Variants in GULP1 observed in about 807,000 individuals in gnomAD.
GULP1 encodes GULP PTB domain containing engulfment adaptor 1, also known as PTB domain-containing engulfment adapter protein 1.
In GULP1, 19 loss-of-function variants were observed where a neutral mutation model predicts 40.9. The observed-to-expected ratio is 0.46, with a 90% CI of 0.32 to 0.68. The LOEUF (loss-of-function observed/expected upper bound fraction) is 0.68, where lower values mean the gene tolerates loss of function less well. GULP1 is among the 30% of genes least tolerant of loss of function. The pLI, the probability that GULP1 is intolerant of heterozygous loss-of-function variation, is 0.03. For missense variants in GULP1, 312 were observed against 362.2 expected (o/e 0.86, Z 1.12); for synonymous variants, 119 against 117.6 (o/e 1.01, Z -0.08).
At chr2:188,532,912 C>T (rs1254075665) in intron 6 of GULP1, among the ~76,000 whole-genome samples, 1 of 152,084 alleles carries the variant, frequency 6.6e-6, no homozygotes, top group East Asian at 1.9e-4. Flanking sequence ...CAGTGTGAGA[C>T]TGTCTCACAT....
At chr2:188,365,308 T>A (rs2046642827) in intron 1 of GULP1, among the ~76,000 whole-genome samples, 1 of 152,178 alleles carries the variant, frequency 6.6e-6, no homozygotes, top group Non-Finnish European at 1.5e-5. Context: ...GTTAATCTTG[T>A]AAGGGATGCA....
chr2:188,591,756 AG>A lies in GULP1; in HGVS notation c.844-2183del, dbSNP rs545778962. On this transcript the variant is annotated intron_variant, in intron 11 of 11. Coordinates refer to ENST00000409830, the MANE Select transcript of GULP1 (RefSeq NM_016315.4). ...AAATCATTTTTAAAAATGTATAGAT[AG>A]AAAAAAAGACATACCTCAAAATGTA... 1,130 of 151,848 alleles carry A rather than the reference AG, an allele frequency of 7.4e-3. 20 individuals carry two copies. The highest frequency in any genetic ancestry group is 0.026 in the African/African-American group (1,084 of 41,518). The allele number at this position is 151,848 out of a possible 1,614,324, so 9.4% of individuals were successfully genotyped here.
At chr2:188,443,773 G>A (rs369483987) in intron 2 of GULP1, among the ~76,000 whole-genome samples, 15 of 149,134 alleles carry the variant, frequency 1.0e-4, no homozygotes, top group Middle Eastern at 3.4e-3. Context: ...TGCCACCTCC[G>A]CCTCCCGGGT....
intron 5 of GULP1, among the ~76,000 whole-genome samples, chr2:188,523,324 G>A (rs1049581556): frequency 2.6e-5 from 4 of 152,140 alleles, no homozygotes; most frequent in Non-Finnish European, 5.9e-5. Flanking sequence ...TCCGTAAGTA[G>A]CCATGGGGAA....
chr2:188,572,608 TCTTTAA>T (rs1699294995), intron 9 of GULP1, among the ~76,000 whole-genome samples: 1 of 152,360 alleles, frequency 6.6e-6, no homozygotes, highest in African/African-American at 2.4e-5. Flanking sequence ...CTACACTTTT[TCTTTAA>T]CTTTAAAAAT....
intron 2 of GULP1, among the ~76,000 whole-genome samples, chr2:188,398,067 G>C (rs992132058): frequency 2.6e-5 from 4 of 151,752 alleles, no homozygotes; most frequent in African/African-American, 9.8e-5. Flanking sequence ...TGAACTGTAA[G>C]TCCAAAGACA....
At chr2:188,489,206 T>C (rs1180181655) in intron 4 of GULP1, among the ~76,000 whole-genome samples, 1 of 151,894 alleles carries the variant, frequency 6.6e-6, no homozygotes, top group African/African-American at 2.4e-5. Context: ...TCGTTGAAAG[T>C]TGGGCAAAAG....
intron 1 of GULP1, among the ~76,000 whole-genome samples, chr2:188,297,787 A>G (rs1298830493): frequency 6.6e-6 from 1 of 152,118 alleles, no homozygotes; most frequent in African/African-American, 2.4e-5. Flanking sequence ...TTGTATTTAA[A>G]TTAGATAATA....
At chr2:188,476,554 T>C (rs1430538524) in intron 2 of GULP1, among the ~76,000 whole-genome samples, 1 of 152,096 alleles carries the variant, frequency 6.6e-6, no homozygotes, top group African/African-American at 2.4e-5. Flanking sequence ...TTATTTAATG[T>C]GGTTGAATTC....
chr2:188,574,156 CTT>C (rs1225693535), intron 9 of GULP1, among the ~76,000 whole-genome samples: 2 of 151,832 alleles, frequency 1.3e-5, no homozygotes, highest in Non-Finnish European at 2.9e-5. Context: ...AGTATAGTCT[CTT>C]TGGGGAAAGG....
intron 6 of GULP1, among the ~76,000 whole-genome samples, chr2:188,537,751 G>A (rs1200129122): frequency 6.6e-6 from 1 of 152,088 alleles, no homozygotes; most frequent in Non-Finnish European, 1.5e-5. Flanking sequence ...AATGGTTACA[G>A]TGGAATTGGT....
chr2:188,474,939 A>G (rs565805613), intron 2 of GULP1, among the ~76,000 whole-genome samples: 2 of 152,314 alleles, frequency 1.3e-5, no homozygotes, highest in East Asian at 1.9e-4. Context: ...GATAAAGTCA[A>G]TTTACATAGA....
At chr2:188,527,827 C>T (rs1686574301) in intron 5 of GULP1, among the ~76,000 whole-genome samples, 1 of 152,166 alleles carries the variant, frequency 6.6e-6, no homozygotes, top group South Asian at 2.1e-4. Flanking sequence ...CTTTTAATCA[C>T]TCTGTGCTCC....
intron 2 of GULP1, among the ~76,000 whole-genome samples, chr2:188,405,488 G>C (rs2052948163): frequency 6.6e-6 from 1 of 152,144 alleles, no homozygotes; most frequent in Non-Finnish European, 1.5e-5. Context: ...ACAGACTTAG[G>C]CTCCAGGCCT....
chr2:188,485,634 T>G (rs2061799339), intron 4 of GULP1, among the ~76,000 whole-genome samples: 1 of 151,994 alleles, frequency 6.6e-6, no homozygotes. Context: ...ACTCTAGAGC[T>G]AGATTCCTTG....
At chr2:188,566,582 G>A (rs1421495647) in intron 7 of GULP1, among the ~76,000 whole-genome samples, 2 of 151,780 alleles carry the variant, frequency 1.3e-5, no homozygotes, top group African/African-American at 2.4e-5. Context: ...GATCACCTGT[G>A]GTCAGGAGTT....
intron 4 of GULP1, among the ~76,000 whole-genome samples, chr2:188,518,108 A>G (rs1365040632): frequency 1.3e-5 from 2 of 152,070 alleles, no homozygotes; most frequent in Non-Finnish European, 2.9e-5. Flanking sequence ...TTATGGGTTT[A>G]TATACTAGAC....
intron 11 of GULP1, chr2:188,592,997 G>A (rs566525900): frequency 6.6e-6 from 1 of 151,944 alleles, no homozygotes; most frequent in Non-Finnish European, 1.5e-5. Flanking sequence ...AAACATTTCA[G>A]TTCTGTTAGT....
chr2:188,448,962 A>G (rs974148939), intron 2 of GULP1, among the ~76,000 whole-genome samples: 1 of 152,194 alleles, frequency 6.6e-6, no homozygotes, highest in Non-Finnish European at 1.5e-5. Flanking sequence ...AGCTGAGCAG[A>G]TGCCAGTGCC....
Sources: gnomAD v4.1 joint callset for allele counts (sites outside exome capture counted in the v4.1 genomes callset) on GRCh38, gnomAD v4.1.1 for gene constraint, MANE v1.5 for transcripts, NCBI Gene and HGNC (gene_info 2026-07-23, HGNC 2026-07-21) for gene names.